Variants in GLIS3 observed in about 807,000 individuals in gnomAD.
GLIS3 encodes GLIS family zinc finger 3, also known as zinc finger protein GLIS3.
In GLIS3, 53 loss-of-function variants were observed where a neutral mutation model predicts 78.6. The ratio of observed to expected loss-of-function variants is 0.67; its 90% confidence interval spans 0.54 to 0.85. GLIS3 has a LOEUF of 0.85. Among genes scored for constraint, GLIS3 ranks in the 40% least tolerant of loss-of-function variants. The pLI, the probability that GLIS3 is intolerant of heterozygous loss-of-function variation, is 0.00. For missense variants in GLIS3, 1,703 were observed against 1,231.1 expected (o/e 1.38, Z -5.74); for synonymous variants, 684 against 509.9 (o/e 1.34, Z -4.60).
chr9:4,432,620 A>G, the GLIS3 span, among the ~76,000 whole-genome samples: 1 of 150,292 alleles, frequency 6.7e-6, no homozygotes, highest in African/African-American at 2.4e-5. Flanking sequence ...TGAAAAACAG[A>G]CTATATTTTT....
intron 2 of GLIS3, chr9:4,152,160 C>T: frequency 1.0e-6 from 1 of 976,216 alleles, no homozygotes; most frequent in Non-Finnish European, 1.2e-6. Flanking sequence ...CTGCTTCCTC[C>T]AACACCCTTC....
intron 2 of GLIS3, among the ~76,000 whole-genome samples, chr9:4,208,284 G>A (rs1013787379): frequency 6.6e-6 from 1 of 152,214 alleles, no homozygotes; most frequent in Admixed American, 6.5e-5. Flanking sequence ...TAAGCGGCTT[G>A]GGCATGGGGG....
At chr9:4,053,867 A>T (rs1161725913) in intron 4 of GLIS3, among the ~76,000 whole-genome samples, 2 of 152,200 alleles carry the variant, frequency 1.3e-5, no homozygotes, top group African/African-American at 4.8e-5. Flanking sequence ...TTTATGTTGC[A>T]CAGACCATCA....
chr9:4,155,131 T>A (rs1834956866), intron 2 of GLIS3, among the ~76,000 whole-genome samples: 1 of 152,214 alleles, frequency 6.6e-6, no homozygotes, highest in South Asian at 2.1e-4. Context: ...TATTCTTTTT[T>A]CGGTATTTAA....
intron 3 of GLIS3, chr9:4,123,753 A>G (rs2130905084): frequency 5.0e-6 from 2 of 398,126 alleles, no homozygotes; most frequent in South Asian, 1.3e-4. Flanking sequence ...GGAAGGATGT[A>G]TATCAAAATT....
At chr9:4,065,928 A>G (rs562287562) in intron 4 of GLIS3, among the ~76,000 whole-genome samples, 38 of 152,250 alleles carry the variant, frequency 2.5e-4, no homozygotes, top group Middle Eastern at 3.4e-3. Context: ...GGATAGGAAA[A>G]TAGATTTTTG....
intron 2 of GLIS3, among the ~76,000 whole-genome samples, chr9:4,337,515 T>C (rs1481791277): frequency 6.6e-6 from 1 of 152,238 alleles, no homozygotes; most frequent in African/African-American, 2.4e-5. Context: ...AACATTTCTA[T>C]GTACTCTACA....
At chr9:4,308,665 C>G (rs1276431388) in intron 4 of GLIS3, 2 of 152,474 alleles carry the variant, frequency 1.3e-5, no homozygotes, top group Non-Finnish European at 2.9e-5. Context: ...ACTTAATCAG[C>G]CTGGATGGGA....
At chr9:4,360,130 T>A in the GLIS3 span, among the ~76,000 whole-genome samples, 1 of 152,220 alleles carries the variant, frequency 6.6e-6, no homozygotes. Context: ...GGGCACAGGT[T>A]TTATGCAAAC....
the GLIS3 span, among the ~76,000 whole-genome samples, chr9:4,466,685 G>A: frequency 6.6e-6 from 1 of 151,574 alleles, no homozygotes; most frequent in Admixed American, 6.6e-5. Flanking sequence ...TGGCTGAATA[G>A]GAACAGCTCC....
intron 4 of GLIS3, among the ~76,000 whole-genome samples, chr9:4,096,158 T>C (rs1564041259): frequency 6.6e-6 from 1 of 152,144 alleles, no homozygotes; most frequent in African/African-American, 2.4e-5. Flanking sequence ...AGTTCACATT[T>C]AAAAAAACAA....
chr9:4,011,419 G>A lies in GLIS3; in HGVS notation c.1711-74230C>T, dbSNP rs370313507. Among the ~76,000 whole-genome samples the A allele has an allele frequency of 5.3e-5, 8 of 152,302 alleles. No homozygotes were observed. In the East Asian group the frequency reaches 1.5e-3, roughly 29 times the overall value. ...AGAACATAGAAATGTGTTTTGTTAC[G>A]AGGCACTCGGCATTCAGTGGCCTGA... On this transcript the variant is annotated intron_variant, in intron 4 of 10. Transcript: ENST00000381971.
intron 8 of GLIS3, among the ~76,000 whole-genome samples, chr9:3,878,172 A>G (rs1821450043): frequency 6.6e-6 from 1 of 152,008 alleles, no homozygotes; most frequent in South Asian, 2.1e-4. Context: ...TTCAATGCCT[A>G]CATCACTGTG....
At chr9:4,245,888 G>A (rs1475001778) in intron 2 of GLIS3, among the ~76,000 whole-genome samples, 2 of 151,970 alleles carry the variant, frequency 1.3e-5, no homozygotes, top group African/African-American at 4.8e-5. Flanking sequence ...AAGTTTTGCT[G>A]GTCTTTCATA....
chr9:4,475,275 T>C, the GLIS3 span, among the ~76,000 whole-genome samples: 1 of 152,170 alleles, frequency 6.6e-6, no homozygotes. Context: ...GACAACCTTA[T>C]AGTAAAGTAA....
At chr9:4,063,358 C>T (rs1317131458) in intron 4 of GLIS3, among the ~76,000 whole-genome samples, 1 of 151,932 alleles carries the variant, frequency 6.6e-6, no homozygotes, top group Non-Finnish European at 1.5e-5. Context: ...ATATGCTTGG[C>T]CTGTCAGTTC....
the GLIS3 span, among the ~76,000 whole-genome samples, chr9:4,416,367 C>G: frequency 3.3e-5 from 5 of 149,328 alleles, no homozygotes; most frequent in Non-Finnish European, 7.4e-5. Context: ...TAAAACCTCT[C>G]TTACTGTTGG....
intron 4 of GLIS3, chr9:4,305,418 C>T (rs1020275954): frequency 2.0e-5 from 3 of 152,232 alleles, no homozygotes; most frequent in Admixed American, 1.3e-4. Flanking sequence ...TGACACTGGC[C>T]AGCACACGTG....
intron 2 of GLIS3, among the ~76,000 whole-genome samples, chr9:4,198,598 G>C (rs1488920868): frequency 1.3e-5 from 2 of 152,150 alleles, no homozygotes; most frequent in African/African-American, 4.8e-5. Flanking sequence ...TGGCATTCCT[G>C]AGAGAAGTGG....
Sources: allele counts gnomAD v4.1 joint callset (sites outside exome capture counted in the v4.1 genomes callset), GRCh38; gene constraint gnomAD v4.1.1; transcripts MANE v1.5; gene names NCBI Gene and HGNC (gene_info 2026-07-23, HGNC 2026-07-21).